APAF1: variants seen among roughly 807,000 people sequenced by gnomAD.
APAF1 encodes apoptotic peptidase activating factor 1, also known as apoptotic protease-activating factor 1.
APAF1 carries 91 observed loss-of-function variants against 152.4 expected under a neutral mutation model. That is an observed-to-expected ratio of 0.60 (90% confidence interval 0.50 to 0.71). The LOEUF is 0.71. APAF1 is among the 30% of genes least tolerant of loss of function. The probability of loss-of-function intolerance (pLI) is 0.00; values close to 1 mark genes in which losing one functional copy is unlikely to be tolerated. For synonymous variants in APAF1, 484 were observed against 494.1 expected (o/e 0.98, Z 0.27); for missense variants, 1,283 against 1,472.0 (o/e 0.87, Z 2.10).
At position 98,645,679 on chromosome 12, in the gene APAF1, C is replaced by T. The variant is rs1360668247; in HGVS notation, c.-198C>T. ...GGGGAGGCGCCTGTGAGGCCCGGAC[C>T]TGCCCCGGGGCGAAGGGTATGTGGC... On this transcript the variant is annotated 5_prime_UTR_variant, in exon 1 of 27. Coordinates refer to ENST00000551964, the MANE Select transcript of APAF1 (RefSeq NM_181861.2). 2 of 152,300 alleles carry T rather than the reference C, an allele frequency of 1.3e-5. No homozygotes were observed. The highest frequency in any genetic ancestry group is 4.8e-5 in the African/African-American group (2 of 41,460). 9.4% of individuals were successfully genotyped at this position (152,300 alleles called of 1,614,324 possible).
At chr12:98,693,718 A>G (rs2097706785) in intron 16 of APAF1, among the ~76,000 whole-genome samples, 1 of 151,336 alleles carries the variant, frequency 6.6e-6, no homozygotes, top group African/African-American at 2.4e-5. Flanking sequence ...TCCAGCTGCC[A>G]TCCTGAGGTC....
intron 5 of APAF1, 101 bp from the exon 6 acceptor site, chr12:98,662,355 A>T (rs746141016): frequency 4.5e-6 from 4 of 883,990 alleles, no homozygotes; most frequent in Non-Finnish European, 5.4e-6. Context: ...TTTAAAAAAA[A>T]TTTAATTTGG....
At chr12:98,721,741 G>T (rs2097743165) in intron 22 of APAF1, among the ~76,000 whole-genome samples, 1 of 152,218 alleles carries the variant, frequency 6.6e-6, no homozygotes, top group Non-Finnish European at 1.5e-5. Flanking sequence ...TGAGGCAGAA[G>T]ATGAGAGATC....
At chr12:98,714,752 C>G (rs1171415538) in intron 21 of APAF1, among the ~76,000 whole-genome samples, 1 of 151,578 alleles carries the variant, frequency 6.6e-6, no homozygotes, top group African/African-American at 2.4e-5. Context: ...TTTCCTTAGG[C>G]TTTCTTGAGT....
At chr12:98,689,974 G>A (rs2097702480) in intron 16 of APAF1, among the ~76,000 whole-genome samples, 1 of 152,076 alleles carries the variant, frequency 6.6e-6, no homozygotes, top group South Asian at 2.1e-4. Context: ...ACATCTTTTT[G>A]TTGTATTATA....
In APAF1 at chr12:98,677,449, T is replaced by C; in HGVS notation, c.1818T>C (p.Leu606=). 1 of 1,614,180 alleles carries C rather than the reference T, an allele frequency of 6.2e-7. No individual in the cohort carries two copies. Among genetic ancestry groups the C allele is most frequent in the Non-Finnish European group, 8.5e-7 (1 of 1,180,018 alleles). The change falls in exon 13 of 27, where the codon CTT becomes CTC. Residue 606 remains leucine, a synonymous_variant. Transcript: ENST00000551964. Reference sequence around the variant, plus strand: ...GAAACAAAAAAAACATCACGAATCTTTCCCGCTTAGTTGTCCGCCCCCACA... The same window carrying C: ...GAAACAAAAAAAACATCACGAATCTCTCCCGCTTAGTTGTCCGCCCCCACA... The part of the protein sequence containing the change: ...EWINKKNITN[L]SRLVVRPHTD...
intron 4 of APAF1, among the ~76,000 whole-genome samples, chr12:98,657,414 A>G (rs576062205): frequency 9.5e-4 from 144 of 152,232 alleles, no homozygotes; most frequent in African/African-American, 3.2e-3. Flanking sequence ...TGGAATAGGT[A>G]TTTGCTCCTC....
In APAF1 at chr12:98,691,419, ATTG is replaced by A. The variant is rs3217367; in HGVS notation, c.2304+4549_2304+4551del. 2.6e-5 allele frequency among the ~76,000 whole-genome samples: 4 copies of A among 152,096 alleles called. No individual in the cohort carries two copies. The East Asian group carries it at 7.8e-4, about 29-fold the overall frequency. On this transcript the variant is annotated intron_variant, in intron 16 of 26. Transcript: ENST00000551964. ...AAACCTTTGATTCTTCCTTGATTGT[ATTG>A]TTCTTTAAAATTGTCATTCTGTTTT...
intron 25 of APAF1, among the ~76,000 whole-genome samples, 178 bp downstream of exon 25, chr12:98,725,718 G>A (rs149790641): frequency 2.1e-4 from 32 of 152,286 alleles, no homozygotes; most frequent in African/African-American, 5.8e-4. Flanking sequence ...CTGCAGAAAC[G>A]GATTCATTTT....
chr12:98,670,927 T>C (rs769413101), intron 10 of APAF1, 46 bp from the exon 11 acceptor site: 1 of 1,205,858 alleles, frequency 8.3e-7, no homozygotes, highest in Non-Finnish European at 1.2e-6. Flanking sequence ...CCTAAAATTT[T>C]TTGATCTCTA....
At chr12:98,713,567 CAAGGCAAAAATGTAGT>C (rs1252481823) in intron 21 of APAF1, among the ~76,000 whole-genome samples, 1 of 152,120 alleles carries the variant, frequency 6.6e-6, no homozygotes, top group Non-Finnish European at 1.5e-5. Flanking sequence ...AAACACTTTG[CAAGGCAAAAATGTAGT>C]ATAATAAAAG....
At chr12:98,648,972 T>G (rs1451156782) in intron 3 of APAF1, 157 bp downstream of exon 3, 5 of 825,406 alleles carry the variant, frequency 6.1e-6, no homozygotes, top group Non-Finnish European at 1.0e-5. Flanking sequence ...ATTTTTTATT[T>G]GCATCCACAT....
At chr12:98,647,186 C>A (rs188974492) in intron 1 of APAF1, among the ~76,000 whole-genome samples, 1 of 149,478 alleles carries the variant, frequency 6.7e-6, no homozygotes, top group African/African-American at 2.5e-5. Context: ...GAGGCTGTGG[C>A]GGGTGGATCA....
At chr12:98,719,532 T>C (rs2097739339) in intron 22 of APAF1, among the ~76,000 whole-genome samples, 9 of 151,656 alleles carry the variant, frequency 5.9e-5, no homozygotes, top group Admixed American at 5.3e-4. Context: ...TTTTTTTTTT[T>C]TAGTAGAGTT....
At chr12:98,716,927 G>A (rs996212926) in intron 22 of APAF1, among the ~76,000 whole-genome samples, 45 of 151,736 alleles carry the variant, frequency 3.0e-4, no homozygotes, top group Non-Finnish European at 4.9e-4. Flanking sequence ...GTGCAGTGGC[G>A]CGATCTTGGC....
intron 9 of APAF1, 114 bp from the exon 10 acceptor site, chr12:98,667,399 A>C: frequency 7.7e-7 from 1 of 1,302,556 alleles, no homozygotes; most frequent in South Asian, 1.2e-5. Flanking sequence ...TACAGGCGTG[A>C]GCCACCGAGC....
intron 20 of APAF1, 88 bp from the exon 21 acceptor site, chr12:98,712,231 T>A (rs2097728661): frequency 5.1e-6 from 4 of 790,096 alleles, no homozygotes; most frequent in Admixed American, 1.7e-5. Flanking sequence ...CTGTGTTTTA[T>A]TTTATTTTTT....
rs557644456 is a variant in APAF1 at position 98,675,937 on chromosome 12, G to A, written c.1794-1488G>A. Reference sequence around the variant, plus strand: ...GATAGTAGTGGCACCTTTATGTGTCGGGTGCTGTTTAGAATAGATACCATT... The same window carrying A: ...GATAGTAGTGGCACCTTTATGTGTCAGGTGCTGTTTAGAATAGATACCATT... On this transcript the variant is annotated intron_variant, in intron 12 of 26. Coordinates refer to ENST00000551964, the MANE Select transcript of APAF1 (RefSeq NM_181861.2). Among the ~76,000 whole-genome samples the A allele has an allele frequency of 6.6e-5, 10 of 152,122 alleles. No individual in the cohort carries two copies. The East Asian group carries it at 9.6e-4, about 15-fold the overall frequency.
At chr12:98,653,677 AAAAAAAAAAAAAAAATAT>A (rs2097651919) in intron 4 of APAF1, among the ~76,000 whole-genome samples, 2 of 62,710 alleles carry the variant, frequency 3.2e-5, no homozygotes, top group South Asian at 5.1e-4. Context: ...AAAAAAAAAA[AAAAAAAAAAAAAAAATAT>A]ATATATATAT....
Sources: gnomAD v4.1 joint callset for allele counts (sites outside exome capture counted in the v4.1 genomes callset) on GRCh38, gnomAD v4.1.1 for gene constraint, MANE v1.5 for transcripts, NCBI Gene and HGNC (gene_info 2026-07-23, HGNC 2026-07-21) for gene names.